UNC13C: variants seen among roughly 807,000 people sequenced by gnomAD.
The protein encoded by UNC13C is unc-13 homolog C, also known as protein unc-13 homolog C.
Under a neutral mutation model 245.4 loss-of-function variants are expected in UNC13C, and 174 were observed. That is an observed-to-expected ratio of 0.71 (90% CI 0.63 to 0.80). UNC13C has a LOEUF of 0.80. Among genes scored for constraint, UNC13C ranks in the 30% least tolerant of loss-of-function variants. The pLI, the probability that UNC13C is intolerant of heterozygous loss-of-function variation, is 0.00. For synonymous variants in UNC13C, 992 were observed against 895.1 expected, an observed-to-expected ratio of 1.11 and a Z score of -1.93; for missense variants, 2,829 against 2,602.9, an observed-to-expected ratio of 1.09 and a Z score of -1.89.
chr15:53,963,176 T>C, the UNC13C span, among the ~76,000 whole-genome samples: 16 of 152,286 alleles, frequency 1.1e-4, no homozygotes, highest in East Asian at 7.7e-4. Flanking sequence ...GTTTACATTA[T>C]GGTTTATAGA....
chr15:54,387,534 T>C (rs2039864470), intron 17 of UNC13C, among the ~76,000 whole-genome samples: 1 of 152,140 alleles, frequency 6.6e-6, no homozygotes, highest in Non-Finnish European at 1.5e-5. Context: ...CATCCTGTTT[T>C]GATCAGTGGG....
intron 2 of UNC13C, among the ~76,000 whole-genome samples, chr15:54,068,782 A>T (rs755445409): frequency 1.3e-5 from 2 of 152,218 alleles, no homozygotes; most frequent in East Asian, 3.8e-4. Context: ...AGAAAAGTGG[A>T]CTAGAAATTG....
the UNC13C span, among the ~76,000 whole-genome samples, chr15:53,894,429 C>G: frequency 6.6e-6 from 1 of 152,206 alleles, no homozygotes; most frequent in African/African-American, 2.4e-5. Context: ...CCCTTTATCC[C>G]TTTCCTGATT....
At chr15:54,484,499 T>C (rs546819099) in intron 19 of UNC13C, among the ~76,000 whole-genome samples, 43 of 152,270 alleles carry the variant, frequency 2.8e-4, no homozygotes, top group African/African-American at 1.0e-3. Flanking sequence ...TTTAGACTTA[T>C]TAAACAAATA....
chr15:54,473,951 T>G (rs191448527), intron 19 of UNC13C, among the ~76,000 whole-genome samples: 1 of 152,044 alleles, frequency 6.6e-6, no homozygotes, highest in East Asian at 1.9e-4. Context: ...GTACACCTTT[T>G]TAAATGAGAA....
intron 4 of UNC13C, among the ~76,000 whole-genome samples, chr15:54,175,535 C>T (rs547008550): frequency 1.9e-3 from 182 of 97,826 alleles, no homozygotes; most frequent in African/African-American, 3.1e-3. Flanking sequence ...TTTTTTGAGA[C>T]GGAGTCTCGC....
At chr15:54,120,943 G>A (rs1243477133) in intron 2 of UNC13C, among the ~76,000 whole-genome samples, 1 of 152,134 alleles carries the variant, frequency 6.6e-6, no homozygotes, top group Non-Finnish European at 1.5e-5. Context: ...TTATGGATGA[G>A]CAAAGTAAAT....
intron 19 of UNC13C, among the ~76,000 whole-genome samples, chr15:54,467,015 C>G (rs73419686): frequency 0.034 from 5,206 of 151,876 alleles, 290 homozygotes; most frequent in African/African-American, 0.12. Context: ...CCAAACCTGA[C>G]TGTGCATTAA....
intron 2 of UNC13C, among the ~76,000 whole-genome samples, chr15:54,102,509 G>T (rs868076047): frequency 2.0e-5 from 3 of 152,128 alleles, no homozygotes; most frequent in African/African-American, 7.2e-5. Flanking sequence ...AACTCTTAAG[G>T]CAGGTCTGCA....
chr15:54,086,589 T>A (rs1281298983), intron 2 of UNC13C, among the ~76,000 whole-genome samples: 1 of 152,018 alleles, frequency 6.6e-6, no homozygotes, highest in Admixed American at 6.6e-5. Context: ...AATCTTAAGA[T>A]GAAAGTTCAA....
chr15:54,318,339 A>G (rs2038062626), intron 13 of UNC13C, among the ~76,000 whole-genome samples: 1 of 151,990 alleles, frequency 6.6e-6, no homozygotes, highest in South Asian at 2.1e-4. Flanking sequence ...TTACATTCCC[A>G]CCAACAGTAT....
At chr15:54,260,663 TTATA>T (rs998194122) in intron 8 of UNC13C, among the ~76,000 whole-genome samples, 10 of 148,342 alleles carry the variant, frequency 6.7e-5, no homozygotes, top group East Asian at 1.9e-4. Flanking sequence ...ATATATAACT[TTATA>T]TATGTATGTT....
intron 29 of UNC13C, among the ~76,000 whole-genome samples, chr15:54,562,919 AC>A (rs1370542672): frequency 6.6e-6 from 1 of 151,922 alleles, no homozygotes; most frequent in South Asian, 2.1e-4. Context: ...AAACCCTTAT[AC>A]TTGACCTGTC....
chr15:54,413,629 G>T (rs1391231577), intron 18 of UNC13C, among the ~76,000 whole-genome samples: 2 of 151,986 alleles, frequency 1.3e-5, no homozygotes, highest in Admixed American at 1.3e-4. Context: ...TTTTAAAATC[G>T]AATGCCTTAT....
chr15:54,074,762 A>T (rs149697215), intron 2 of UNC13C, among the ~76,000 whole-genome samples: 259 of 152,286 alleles, frequency 1.7e-3, no homozygotes, highest in Non-Finnish European at 3.3e-3. Context: ...TTATGACCTT[A>T]TGGAGATTTG....
At chr15:53,864,273 G>A in the UNC13C span, among the ~76,000 whole-genome samples, 2 of 152,140 alleles carry the variant, frequency 1.3e-5, no homozygotes, top group Non-Finnish European at 2.9e-5. Context: ...TATTACTGAG[G>A]TTGGTGTGAT....
intron 7 of UNC13C, among the ~76,000 whole-genome samples, chr15:54,245,947 C>G (rs983435178): frequency 3.3e-5 from 5 of 151,898 alleles, no homozygotes; most frequent in African/African-American, 9.7e-5. Context: ...CTGGTTAAAA[C>G]AGAAAGGAAA....
chr15:53,987,531 T>TTTG (rs145719556), intron 1 of UNC13C, among the ~76,000 whole-genome samples: 2,340 of 151,450 alleles, frequency 0.015, 68 homozygotes, highest in African/African-American at 0.054. Flanking sequence ...AGACAGGCTT[T>TTTG]TTGTTGTTGT....
At chr15:54,524,339 G>T (rs1034104567) in intron 24 of UNC13C, among the ~76,000 whole-genome samples, 2 of 152,184 alleles carry the variant, frequency 1.3e-5, no homozygotes, top group African/African-American at 4.8e-5. Flanking sequence ...GAAGAAAAAA[G>T]ATACAAGGAA....
Sources: gnomAD v4.1 joint callset for allele counts (sites outside exome capture counted in the v4.1 genomes callset) on GRCh38, gnomAD v4.1.1 for gene constraint, MANE v1.5 for transcripts, NCBI Gene and HGNC (gene_info 2026-07-23, HGNC 2026-07-21) for gene names.